Variants in RALGPS1 observed in about 807,000 individuals in gnomAD.
RALGPS1 encodes the protein ras-specific guanine nucleotide-releasing factor RalGPS1.
In RALGPS1, 19 loss-of-function variants were observed where a neutral mutation model predicts 78.8. The observed-to-expected ratio is 0.24, with a 90% CI of 0.17 to 0.35. The LOEUF (loss-of-function observed/expected upper bound fraction) is 0.35. Ranked by LOEUF, RALGPS1 falls within the 10% of genes least tolerant of loss-of-function variation. The pLI, the probability that RALGPS1 is intolerant of heterozygous loss-of-function variation, is 1.00. For synonymous variants in RALGPS1, 228 were observed against 256.3 expected, an observed-to-expected ratio of 0.89 and a Z score of 1.06; for missense variants, 454 against 688.3, an observed-to-expected ratio of 0.66 and a Z score of 3.81.
chr9:127,039,439 A>G (rs963126826), intron 5 of RALGPS1, among the ~76,000 whole-genome samples: 2 of 152,164 alleles, frequency 1.3e-5, no homozygotes, highest in African/African-American at 4.8e-5. Flanking sequence ...GAGCAGGTGT[A>G]AGTGATTCTT....
chr9:126,925,404 C>T (rs111579071), intron 1 of RALGPS1, among the ~76,000 whole-genome samples: 19 of 149,586 alleles, frequency 1.3e-4, no homozygotes, highest in African/African-American at 3.2e-4. Context: ...AAAAATTAGC[C>T]GGGCATGGTG....
chr9:127,062,384 T>C (rs887766022), intron 7 of RALGPS1, among the ~76,000 whole-genome samples: 1 of 152,198 alleles, frequency 6.6e-6, no homozygotes, highest in Non-Finnish European at 1.5e-5. Flanking sequence ...AGGTGTGAGC[T>C]GCCGCGCCCG....
intron 3 of RALGPS1, among the ~76,000 whole-genome samples, chr9:126,975,862 C>A (rs990801817): frequency 6.6e-6 from 1 of 152,174 alleles, no homozygotes; most frequent in Non-Finnish European, 1.5e-5. Context: ...CCAGTGCTTC[C>A]TTATTCCTGG....
At chr9:127,029,932 T>C (rs2046284652) in intron 4 of RALGPS1, among the ~76,000 whole-genome samples, 2 of 152,192 alleles carry the variant, frequency 1.3e-5, no homozygotes, top group Admixed American at 6.5e-5. Context: ...CTGAAACCAG[T>C]GTTGATTCTT....
intron 3 of RALGPS1, among the ~76,000 whole-genome samples, chr9:126,967,933 C>T (rs1227057753): frequency 6.6e-6 from 1 of 152,108 alleles, no homozygotes; most frequent in African/African-American, 2.4e-5. Context: ...CATTTTTTCC[C>T]AGTGCCCAAA....
Position 127,212,558 on chromosome 9 carries a change from G to A in RALGPS1, c.1354-69G>A, listed in dbSNP as rs565641253. 6.4e-5 allele frequency: 73 copies of A among 1,147,534 alleles called. No individual in the cohort carries two copies. The African/African-American group carries it at 8.7e-4, about 14-fold the overall frequency. 71.1% of individuals were successfully genotyped at this position (1,147,534 alleles called of 1,614,324 possible). A position where few individuals can be genotyped will look rare whatever the true frequency, so the allele number is the denominator to read the frequency against. On this transcript the variant is annotated intron_variant, in intron 15 of 18. Transcript: ENST00000259351. This position sits in a 1 kb window ranked among gnomAD's most constrained non-coding sequence, Gnocchi z 6.0. The stretch of plus-strand genomic sequence containing the variant: ...TGGCATTGATGGGATGGCTGGGTCT[G>A]TAATCGGCCAGGGATCCTCTACCCC...
chr9:127,157,732 T>C (rs987444153), intron 8 of RALGPS1, among the ~76,000 whole-genome samples: 17 of 152,114 alleles, frequency 1.1e-4, no homozygotes, highest in African/African-American at 4.1e-4. Context: ...CAGTTGATTA[T>C]CCTAAATTGT....
chr9:127,096,963 A>G (rs1217779881), intron 8 of RALGPS1, among the ~76,000 whole-genome samples: 1 of 152,170 alleles, frequency 6.6e-6, no homozygotes, highest in Non-Finnish European at 1.5e-5. Context: ...CTGGTGGGTA[A>G]AGGACACAGC....
chr9:127,055,307 C>T (rs1205081874), intron 7 of RALGPS1, among the ~76,000 whole-genome samples: 1 of 152,232 alleles, frequency 6.6e-6, no homozygotes, highest in African/African-American at 2.4e-5. Flanking sequence ...TAGCCTCAGC[C>T]TCTTGGGCTC....
chr9:127,154,467 C>G (rs1198663772), intron 8 of RALGPS1, among the ~76,000 whole-genome samples: 1 of 152,244 alleles, frequency 6.6e-6, no homozygotes, highest in African/African-American at 2.4e-5. Context: ...AATAAATTCA[C>G]AATCAGATGC....
intron 4 of RALGPS1, among the ~76,000 whole-genome samples, chr9:126,981,778 C>G (rs2041266500): frequency 6.6e-6 from 1 of 152,156 alleles, no homozygotes; most frequent in Non-Finnish European, 1.5e-5. Flanking sequence ...TGCTATGTAA[C>G]AAATTACTCC....
Position 127,183,934 on chromosome 9 carries a change from C to T in RALGPS1, c.910+9152C>T, listed in dbSNP as rs2060459033. 1 of 1,550,484 alleles carries T rather than the reference C, an allele frequency of 6.4e-7. No homozygotes were observed. The highest frequency in any genetic ancestry group is 8.7e-7 in the Non-Finnish European group (1 of 1,147,006). Reference sequence around the variant, plus strand: ...AGGCAAGACTCAAACCCACCTCTGGCCAACACCCTGCCTGGATGTGGCCCA... The same window carrying T: ...AGGCAAGACTCAAACCCACCTCTGGTCAACACCCTGCCTGGATGTGGCCCA... On this transcript the variant is annotated intron_variant, in intron 11 of 18. Coordinates refer to ENST00000259351, the MANE Select transcript of RALGPS1 (RefSeq NM_014636.3). The surrounding 1 kb of genome is among the most constrained non-coding windows in gnomAD (Gnocchi z 4.0).
chr9:127,213,030 G>C lies in RALGPS1; in HGVS notation c.1533G>C (p.Gln511His). 1 of 1,614,242 alleles carries C rather than the reference G, an allele frequency of 6.2e-7. No homozygotes were observed. Among genetic ancestry groups the C allele is most frequent in the Non-Finnish European group, 8.5e-7 (1 of 1,180,044 alleles). ...ACCCCGAGCACCCAGATATCTTCCA[G>C]CTGAACAACCCTGACAAAGGTAGGC... is the stretch of plus-strand genomic sequence containing the variant. Reference protein sequence around the residue: ...PDDPEHPDIFQLNNPDKGNVY... With the variant: ...PDDPEHPDIFHLNNPDKGNVY... The change falls in exon 17 of 19, where the codon CAG becomes CAC. Residue 511 changes from glutamine to histidine, a missense_variant. Gln to His is a conservative substitution (Grantham distance 24). Transcript: ENST00000259351.
intron 6 of RALGPS1, among the ~76,000 whole-genome samples, chr9:127,050,928 G>A (rs1208789944): frequency 6.6e-6 from 1 of 152,190 alleles, no homozygotes; most frequent in East Asian, 1.9e-4. Flanking sequence ...CTGCTTTACT[G>A]ACCTCATCAT....
chr9:127,038,345 AAGT>A (rs2047028715), intron 5 of RALGPS1, among the ~76,000 whole-genome samples: 1 of 152,258 alleles, frequency 6.6e-6, no homozygotes, highest in South Asian at 2.1e-4. Flanking sequence ...AGGCTCTGCA[AAGT>A]GAAACAACTT....
chr9:127,195,471 A>G (rs963882395), intron 12 of RALGPS1, among the ~76,000 whole-genome samples: 1 of 152,234 alleles, frequency 6.6e-6, no homozygotes, highest in Non-Finnish European at 1.5e-5. Context: ...TGATGGAGGA[A>G]GGGTGCAGGG....
At chr9:127,178,336 A>C (rs1433357671) in intron 11 of RALGPS1, 18 of 547,510 alleles carry the variant, frequency 3.3e-5, no homozygotes, top group African/African-American at 3.2e-4. Flanking sequence ...AGGGCAAAAA[A>C]TGCAGCTGAA....
intron 8 of RALGPS1, among the ~76,000 whole-genome samples, chr9:127,138,857 G>A (rs2057578797): frequency 6.6e-6 from 1 of 152,222 alleles, no homozygotes; most frequent in African/African-American, 2.4e-5. Flanking sequence ...ATTCTCACTA[G>A]TTTATTATTA....
intron 7 of RALGPS1, among the ~76,000 whole-genome samples, chr9:127,061,904 A>G (rs191183224): frequency 1.5e-3 from 225 of 152,170 alleles, no homozygotes; most frequent in Admixed American, 2.7e-3. Flanking sequence ...ATCGATCTCA[A>G]CCTCCCAGCT....
Sources: gnomAD v4.1 joint callset for allele counts (sites outside exome capture counted in the v4.1 genomes callset) on GRCh38, gnomAD v4.1.1 for gene constraint, Gnocchi (gnomAD v3.1) non-coding constraint, MANE v1.5 for transcripts, NCBI Gene and HGNC (gene_info 2026-07-23, HGNC 2026-07-21) for gene names.